ZSWIM6: variants seen among roughly 807,000 people sequenced by gnomAD.
ZSWIM6 encodes zinc finger SWIM-type containing 6.
In ZSWIM6, 9 loss-of-function variants were observed where a neutral mutation model predicts 113.2. The ratio of observed to expected loss-of-function variants is 0.08; its 90% CI spans 0.05 to 0.14. ZSWIM6 has a LOEUF of 0.14. Ranked by LOEUF, ZSWIM6 falls within the 10% of genes least tolerant of loss-of-function variation. The pLI, the probability that ZSWIM6 is intolerant of heterozygous loss-of-function variation, is 1.00. For missense variants in ZSWIM6, 1,162 were observed against 1,552.2 expected (o/e 0.75, Z 4.22); for synonymous variants, 611 against 606.5 (o/e 1.01, Z -0.11).
chr5:61,540,665 T>G (rs1380707821), intron 12 of ZSWIM6, among the ~76,000 whole-genome samples: 3 of 152,156 alleles, frequency 2.0e-5, no homozygotes, highest in Non-Finnish European at 4.4e-5. Context: ...TTTTTTTTAA[T>G]TCTTGTTATT....
intron 9 of ZSWIM6, among the ~76,000 whole-genome samples, chr5:61,531,934 G>C (rs1364275306): frequency 6.6e-6 from 1 of 152,148 alleles, no homozygotes; most frequent in Admixed American, 6.5e-5. Flanking sequence ...ATTTGATTTA[G>C]GTGGTTATAT....
At chr5:61,418,614 G>A (rs1200521146) in intron 1 of ZSWIM6, among the ~76,000 whole-genome samples, 1 of 151,932 alleles carries the variant, frequency 6.6e-6, no homozygotes, top group African/African-American at 2.4e-5. Context: ...GATGAGTGAG[G>A]GGTCAAGACA....
chr5:61,495,840 T>C (rs1748301152), intron 4 of ZSWIM6, among the ~76,000 whole-genome samples: 1 of 152,150 alleles, frequency 6.6e-6, no homozygotes, highest in African/African-American at 2.4e-5. Context: ...TTAAGAAAAC[T>C]ATAATGAAGG....
chr5:61,478,399 C>T (rs572525860), intron 2 of ZSWIM6, among the ~76,000 whole-genome samples: 1 of 152,174 alleles, frequency 6.6e-6, no homozygotes, highest in African/African-American at 2.4e-5. Flanking sequence ...CTGTGGACAG[C>T]GTGGTTCATA....
intron 1 of ZSWIM6, among the ~76,000 whole-genome samples, chr5:61,345,855 A>G (rs1290713817): frequency 6.6e-6 from 1 of 152,238 alleles, no homozygotes; most frequent in Non-Finnish European, 1.5e-5. Flanking sequence ...TCTTATGGAA[A>G]TAAGAAAGCT....
chr5:61,341,846 T>TA (rs1396525683), intron 1 of ZSWIM6, among the ~76,000 whole-genome samples: 2 of 151,404 alleles, frequency 1.3e-5, no homozygotes, highest in African/African-American at 4.9e-5. Flanking sequence ...AATGATGTGG[T>TA]CTCCAAACTG....
At chr5:61,514,860 A>G (rs992075648) in intron 4 of ZSWIM6, among the ~76,000 whole-genome samples, 7 of 152,104 alleles carry the variant, frequency 4.6e-5, no homozygotes, top group African/African-American at 1.7e-4. Context: ...ATCTGGTTTT[A>G]GTATCAGGGT....
At chr5:61,348,671 C>T (rs1744720162) in intron 1 of ZSWIM6, among the ~76,000 whole-genome samples, 1 of 152,144 alleles carries the variant, frequency 6.6e-6, no homozygotes, top group African/African-American at 2.4e-5. Flanking sequence ...TTCTCTTCCT[C>T]TTTTGTTTCC....
At chr5:61,440,822 T>G (rs1746813723) in intron 1 of ZSWIM6, among the ~76,000 whole-genome samples, 1 of 152,154 alleles carries the variant, frequency 6.6e-6, no homozygotes, top group Non-Finnish European at 1.5e-5. Flanking sequence ...CTGGTCCTGG[T>G]AGGTACTGGG....
chr5:61,460,424 T>C (rs1747298983), intron 1 of ZSWIM6, among the ~76,000 whole-genome samples: 1 of 152,248 alleles, frequency 6.6e-6, no homozygotes, highest in African/African-American at 2.4e-5. Flanking sequence ...TTTCATGTGC[T>C]TTTGAATCTT....
chr5:61,365,635 C>G (rs1745133626), intron 1 of ZSWIM6, among the ~76,000 whole-genome samples: 1 of 152,168 alleles, frequency 6.6e-6, no homozygotes, highest in African/African-American at 2.4e-5. Flanking sequence ...AAGACTTTGT[C>G]TCACAGTAAA....
chr5:61,476,929 C>T (rs1747721054), intron 2 of ZSWIM6, among the ~76,000 whole-genome samples: 1 of 152,068 alleles, frequency 6.6e-6, no homozygotes, highest in Non-Finnish European at 1.5e-5. Context: ...TGCTCTTAAT[C>T]ATCTCTAACA....
At chr5:61,538,107 A>G (rs1749629315) in intron 10 of ZSWIM6, among the ~76,000 whole-genome samples, 1 of 152,182 alleles carries the variant, frequency 6.6e-6, no homozygotes, top group Non-Finnish European at 1.5e-5. Context: ...TTTTGTAGAA[A>G]CAGGGTTTCG....
At chr5:61,476,975 A>G (rs1236745421) in intron 2 of ZSWIM6, among the ~76,000 whole-genome samples, 2 of 152,212 alleles carry the variant, frequency 1.3e-5, no homozygotes, top group Non-Finnish European at 2.9e-5. Context: ...ATGGATAATT[A>G]TAAAAAAAGA....
intron 5 of ZSWIM6, among the ~76,000 whole-genome samples, chr5:61,521,816 A>G (rs1749133298): frequency 6.6e-6 from 1 of 152,104 alleles, no homozygotes; most frequent in Admixed American, 6.5e-5. Context: ...GAGGAGCTAT[A>G]TGTTTTTATT....
At chr5:61,442,351 C>G (rs1746857592) in intron 1 of ZSWIM6, among the ~76,000 whole-genome samples, 1 of 152,122 alleles carries the variant, frequency 6.6e-6, no homozygotes, top group East Asian at 1.9e-4. Context: ...TTTTATTGAT[C>G]AATTCATCAT....
intron 1 of ZSWIM6, among the ~76,000 whole-genome samples, chr5:61,379,630 C>G (rs958975471): frequency 6.6e-6 from 1 of 151,974 alleles, no homozygotes; most frequent in African/African-American, 2.4e-5. Flanking sequence ...TTTTTCATTT[C>G]CATTGGTTTT....
At chr5:61,542,502 G>T (rs1378311237) in intron 13 of ZSWIM6, among the ~76,000 whole-genome samples, 1 of 152,202 alleles carries the variant, frequency 6.6e-6, no homozygotes, top group Admixed American at 6.5e-5. Context: ...AATGCCAACA[G>T]AAACAAATGG....
chr5:61,541,376 A>G (rs1749734010), intron 12 of ZSWIM6, among the ~76,000 whole-genome samples: 1 of 152,224 alleles, frequency 6.6e-6, no homozygotes, highest in African/African-American at 2.4e-5. Flanking sequence ...TTTTTCCCCC[A>G]TAAACCTGGA....
Sources: gnomAD v4.1 joint callset for allele counts (sites outside exome capture counted in the v4.1 genomes callset) on GRCh38, gnomAD v4.1.1 for gene constraint, MANE v1.5 for transcripts, NCBI Gene and HGNC (gene_info 2026-07-23, HGNC 2026-07-21) for gene names.